IQCM: variants seen among roughly 807,000 people sequenced by gnomAD.
IQCM encodes the protein IQ motif containing M, also known as IQ domain-containing protein M.
In IQCM, 45 loss-of-function variants were observed where a neutral mutation model predicts 57.6. The ratio of observed to expected loss-of-function variants is 0.78; its 90% CI spans 0.62 to 1.00. IQCM has a LOEUF of 1.00. Ranked by LOEUF, IQCM falls within the 50% of genes least tolerant of loss-of-function variation. IQCM has a pLI of 0.00. For missense variants in IQCM, 468 were observed against 511.6 expected, an observed-to-expected ratio of 0.91 and a Z score of 0.82; for synonymous variants, 148 against 158.9, an observed-to-expected ratio of 0.93 and a Z score of 0.51.
intron 5 of IQCM, among the ~76,000 whole-genome samples, chr4:149,719,111 G>A (rs569137797): frequency 1.6e-4 from 24 of 152,128 alleles, no homozygotes; most frequent in South Asian, 6.2e-4. Context: ...TTGGGAGGCC[G>A]AGGTGGGCAG....
At chr4:149,379,770 G>A (rs1730950209) in intron 13 of IQCM, among the ~76,000 whole-genome samples, 1 of 152,162 alleles carries the variant, frequency 6.6e-6, no homozygotes, top group African/African-American at 2.4e-5. Context: ...GGAATGGCAT[G>A]ATTTGTTTTG....
intron 12 of IQCM, among the ~76,000 whole-genome samples, chr4:149,544,398 T>C (rs1418879026): frequency 6.6e-6 from 1 of 152,106 alleles, no homozygotes; most frequent in East Asian, 1.9e-4. Flanking sequence ...AAGACACTGA[T>C]GAAATAAATT....
intron 7 of IQCM, among the ~76,000 whole-genome samples, chr4:149,681,301 C>A (rs528588944): frequency 6.6e-6 from 1 of 151,162 alleles, no homozygotes; most frequent in African/African-American, 2.4e-5. Flanking sequence ...TCTAATAAAG[C>A]CTTAAAAGAA....
intron 5 of IQCM, among the ~76,000 whole-genome samples, chr4:149,725,682 C>T (rs1476795991): frequency 6.6e-6 from 1 of 151,938 alleles, no homozygotes; most frequent in Non-Finnish European, 1.5e-5. Context: ...AGAGAAAAAT[C>T]CCCCAAAAGA....
chr4:149,578,898 C>A (rs999791569), intron 9 of IQCM, among the ~76,000 whole-genome samples: 1 of 151,756 alleles, frequency 6.6e-6, no homozygotes, highest in Non-Finnish European at 1.5e-5. Flanking sequence ...CTGAGAGTAA[C>A]CTGGATTAGA....
At chr4:149,773,699 G>T (rs1279926090) in intron 2 of IQCM, among the ~76,000 whole-genome samples, 1 of 152,234 alleles carries the variant, frequency 6.6e-6, no homozygotes, top group Non-Finnish European at 1.5e-5. Context: ...CCCACTAGAG[G>T]TGGAGGGGGC....
intron 12 of IQCM, among the ~76,000 whole-genome samples, chr4:149,471,328 T>TACTATAAACATCTCTACACAAATAA (rs1418095830): frequency 6.6e-6 from 1 of 152,118 alleles, no homozygotes; most frequent in Non-Finnish European, 1.5e-5. Flanking sequence ...CATCAGAGAA[T>TACTATAAACATCTCTACACAAATAA]ACTATAAACA....
chr4:149,721,605 G>T (rs1765456187), intron 5 of IQCM, among the ~76,000 whole-genome samples: 1 of 151,938 alleles, frequency 6.6e-6, no homozygotes, highest in East Asian at 1.9e-4. Flanking sequence ...CACCTAAGTT[G>T]CTGCAAAAGA....
At chr4:149,512,776 G>A (rs1006624211) in intron 12 of IQCM, among the ~76,000 whole-genome samples, 2 of 152,144 alleles carry the variant, frequency 1.3e-5, no homozygotes, top group Non-Finnish European at 2.9e-5. Flanking sequence ...CACTATAGTC[G>A]TCAGTGTTCT....
chr4:149,603,260 T>G (rs915770879), intron 8 of IQCM, among the ~76,000 whole-genome samples: 1 of 152,132 alleles, frequency 6.6e-6, no homozygotes, highest in Non-Finnish European at 1.5e-5. Context: ...AGCATAATTT[T>G]AAAAAATCTT....
At chr4:149,773,619 A>G (rs1331890511) in intron 2 of IQCM, among the ~76,000 whole-genome samples, 1 of 152,228 alleles carries the variant, frequency 6.6e-6, no homozygotes, top group African/African-American at 2.4e-5. Flanking sequence ...ACTGTAAGAT[A>G]AAGCTGATGT....
intron 13 of IQCM, among the ~76,000 whole-genome samples, chr4:149,365,510 G>A (rs1484978464): frequency 6.6e-6 from 1 of 152,142 alleles, no homozygotes; most frequent in East Asian, 1.9e-4. Context: ...CATCCTTTGA[G>A]TGTGAGCTAG....
chr4:149,634,760 G>A (rs1757584664), intron 7 of IQCM, among the ~76,000 whole-genome samples: 1 of 152,126 alleles, frequency 6.6e-6, no homozygotes, highest in African/African-American at 2.4e-5. Context: ...CTATATATTA[G>A]TTCATATTAA....
intron 13 of IQCM, among the ~76,000 whole-genome samples, chr4:149,367,944 G>A (rs565354593): frequency 2.0e-4 from 31 of 152,022 alleles, no homozygotes; most frequent in African/African-American, 7.2e-4. Context: ...TTTGTTTTGC[G>A]AATGGTTCCT....
At chr4:149,733,529 G>C (rs1407834644) in intron 4 of IQCM, 21 bp from the exon 5 acceptor site, 1 of 1,185,848 alleles carries the variant, frequency 8.4e-7, no homozygotes. Context: ...AACAAAAATA[G>C]ATTTTGGCAA....
At chr4:149,810,940 C>T (rs1004601446) in intron 2 of IQCM, among the ~76,000 whole-genome samples, 2 of 152,164 alleles carry the variant, frequency 1.3e-5, no homozygotes, top group East Asian at 1.9e-4. Context: ...ATTAAACACT[C>T]GAAGTAGTAG....
chr4:149,534,250 G>T (rs564421001), intron 12 of IQCM, among the ~76,000 whole-genome samples: 1 of 152,206 alleles, frequency 6.6e-6, no homozygotes, highest in East Asian at 1.9e-4. Flanking sequence ...CTTAATGCTA[G>T]AAAATGCACA....
chr4:149,670,746 T>G (rs927875012), intron 7 of IQCM, among the ~76,000 whole-genome samples: 2 of 152,208 alleles, frequency 1.3e-5, no homozygotes, highest in East Asian at 3.9e-4. Context: ...TTGTGGTTTT[T>G]GTCTTAGGTT....
intron 2 of IQCM, 58 bp downstream of exon 2, chr4:149,815,253 C>T (rs1163973553): frequency 6.6e-6 from 1 of 151,938 alleles, no homozygotes; most frequent in Non-Finnish European, 1.5e-5. Context: ...AAATCAGACA[C>T]TGACCAAGGG....
Sources: gnomAD v4.1 joint callset for allele counts (sites outside exome capture counted in the v4.1 genomes callset) on GRCh38, gnomAD v4.1.1 for gene constraint, MANE v1.5 for transcripts, NCBI Gene and HGNC (gene_info 2026-07-23, HGNC 2026-07-21) for gene names.